DAB1: variants seen among roughly 807,000 people sequenced by gnomAD.
The protein encoded by DAB1 is disabled homolog 1.
DAB1 carries 15 observed loss-of-function variants against 64.6 expected under a neutral mutation model. The observed-to-expected ratio is 0.23, with a 90% CI of 0.16 to 0.36. The LOEUF is 0.36. Among genes scored for constraint, DAB1 ranks in the 10% least tolerant of loss-of-function variants. The pLI, the probability that DAB1 is intolerant of heterozygous loss-of-function variation, is 1.00. For synonymous variants in DAB1, 235 were observed against 251.9 expected (o/e 0.93, Z 0.64); for missense variants, 596 against 706.7 (o/e 0.84, Z 1.78).
intron 4 of DAB1, among the ~76,000 whole-genome samples, chr1:57,129,313 G>T (rs1342201276): frequency 2.0e-5 from 3 of 151,804 alleles, no homozygotes; most frequent in Non-Finnish European, 4.4e-5. Context: ...TGTTGATTTG[G>T]GCTACGAATT....
At chr1:57,348,130 G>A (rs946897686) in intron 1 of DAB1, among the ~76,000 whole-genome samples, 2 of 152,192 alleles carry the variant, frequency 1.3e-5, no homozygotes, top group African/African-American at 4.8e-5. Context: ...GCATGAGCCT[G>A]AAGGAGACAA....
chr1:58,015,279 C>T (rs534988503), intron 5 of DAB1, among the ~76,000 whole-genome samples: 2 of 152,288 alleles, frequency 1.3e-5, no homozygotes, highest in Admixed American at 6.5e-5. Flanking sequence ...TCATGGTTTA[C>T]ATCTCCTGAA....
intron 6 of DAB1, among the ~76,000 whole-genome samples, chr1:57,675,083 A>G (rs902470545): frequency 1.3e-5 from 2 of 152,218 alleles, no homozygotes; most frequent in Non-Finnish European, 2.9e-5. Context: ...TACAATTTCT[A>G]TGAAGCAGGA....
intron 2 of DAB1, among the ~76,000 whole-genome samples, chr1:57,177,275 A>G (rs187961743): frequency 2.0e-5 from 3 of 152,252 alleles, no homozygotes; most frequent in East Asian, 1.9e-4. Context: ...TGTTATATAC[A>G]TACACCCAAG....
chr1:57,299,993 T>A (rs1242219162), intron 1 of DAB1, among the ~76,000 whole-genome samples: 1 of 152,178 alleles, frequency 6.6e-6, no homozygotes, highest in Non-Finnish European at 1.5e-5. Flanking sequence ...CTCCTCATCC[T>A]CTTTTTCTCT....
At chr1:57,218,515 T>TAAAAAAAAAAAAAAAAAAA (rs776398255) in intron 2 of DAB1, among the ~76,000 whole-genome samples, 1 of 71,452 alleles carries the variant, frequency 1.4e-5, no homozygotes. Context: ...CCCCCATCTC[T>TAAAAAAAAAAAAAAAAAAA]AAAAAAAAAA....
In DAB1 at chr1:57,539,568, AG is replaced by A. The variant is rs775245491; in HGVS notation, n.625+110023del. Among the ~76,000 whole-genome samples, 94 of 152,352 alleles carry A rather than the reference AG, an allele frequency of 6.2e-4. 1 individual carries two copies. The highest frequency in any genetic ancestry group is 3.4e-3 in the Middle Eastern group (1 of 294). On this transcript the variant is annotated intron_variant and non_coding_transcript_variant, in intron 7 of 20. Transcript: ENST00000485760. ...TTCTATAAATTCTCTGAGAATCCAG[AG>A]GACAGAATGCTGAGCTGAATAATTC...
At chr1:57,903,103 T>G (rs527328362) in intron 5 of DAB1, among the ~76,000 whole-genome samples, 2 of 152,122 alleles carry the variant, frequency 1.3e-5, no homozygotes, top group African/African-American at 4.8e-5. Flanking sequence ...TTCACTATCA[T>G]GAGAACAGCA....
intron 4 of DAB1, among the ~76,000 whole-genome samples, chr1:58,283,767 C>T (rs1417781417): frequency 6.6e-6 from 1 of 152,110 alleles, no homozygotes; most frequent in Non-Finnish European, 1.5e-5. Flanking sequence ...TTATTTTTTC[C>T]TCCCACAAGC....
At chr1:57,968,331 C>T (rs12038631) in intron 5 of DAB1, among the ~76,000 whole-genome samples, 4,412 of 152,118 alleles carry the variant, frequency 0.029, 91 homozygotes, top group East Asian at 0.082. Flanking sequence ...AGCTGTGAAC[C>T]GCAGGGCTAA....
Position 57,198,640 on chromosome 1 carries a change from T to TTCTCTCTCTCTCTCTC in DAB1, c.68-53212_68-53211insGAGAGAGAGAGAGAGA, listed in dbSNP as rs139550960. On this transcript the variant is annotated intron_variant, in intron 2 of 14. Coordinates refer to ENST00000371236, the MANE Select transcript of DAB1 (RefSeq NM_001365792.1). ...CTCTTCCTCCCTCCCTCCCTGCATC[T>TTCTCTCTCTCTCTCTC]TCTCTCTCTCACACACACACACACA... Among the ~76,000 whole-genome samples, 6 of 131,132 alleles carry TTCTCTCTCTCTCTCTC rather than the reference T, an allele frequency of 4.6e-5. 1 individual carries two copies. The South Asian group carries it at 1.1e-3, about 24-fold the overall frequency. 86.0% of individuals were successfully genotyped at this position (131,132 alleles called of 152,430 possible).
chr1:58,541,293 C>CAAAAAAAAAA (rs71043292), intron 1 of DAB1, among the ~76,000 whole-genome samples: 1 of 27,572 alleles, frequency 3.6e-5, no homozygotes, highest in African/African-American at 1.1e-4. Flanking sequence ...GACTCTGTCT[C>CAAAAAAAAAA]AAAAAAAAAA....
At chr1:57,825,744 T>C (rs943413898), downstream of DAB1, among the ~76,000 whole-genome samples, 2 of 152,220 alleles carry the variant, frequency 1.3e-5, no homozygotes, top group African/African-American at 4.8e-5. Context: ...ATTAGGCATT[T>C]TGCTCCTGGG....
chr1:57,582,912 C>T (rs970161348), intron 7 of DAB1, among the ~76,000 whole-genome samples: 1 of 152,208 alleles, frequency 6.6e-6, no homozygotes, highest in African/African-American at 2.4e-5. Flanking sequence ...CAGTTTTGGT[C>T]ATTGAGACAA....
intron 3 of DAB1, among the ~76,000 whole-genome samples, chr1:58,494,290 T>C (rs950293834): frequency 1.2e-4 from 18 of 152,138 alleles, no homozygotes; most frequent in East Asian, 5.8e-4. Context: ...AAGACTTAAA[T>C]GTTAGACCTA....
chr1:57,561,981 G>T (rs1249324850), intron 7 of DAB1, among the ~76,000 whole-genome samples: 2 of 152,212 alleles, frequency 1.3e-5, no homozygotes, highest in Non-Finnish European at 2.9e-5. Flanking sequence ...CAATGCTTCT[G>T]CCAAAACTAC....
chr1:57,157,953 G>A (rs969668515), intron 2 of DAB1, among the ~76,000 whole-genome samples: 6 of 152,206 alleles, frequency 3.9e-5, no homozygotes, highest in Non-Finnish European at 8.8e-5. Flanking sequence ...AGTCATTGGT[G>A]CGAGGCCACG....
chr1:57,756,974 T>C (rs576610147), intron 6 of DAB1, among the ~76,000 whole-genome samples: 11 of 152,170 alleles, frequency 7.2e-5, no homozygotes, highest in Non-Finnish European at 1.6e-4. Flanking sequence ...AGAAGCCTGT[T>C]GCAATAGCAC....
chr1:57,809,472 G>A lies in DAB1; in HGVS notation n.551+74527C>T, dbSNP rs12566771. On this transcript the variant is annotated intron_variant and non_coding_transcript_variant, in intron 6 of 20. Coordinates refer to the DAB1 transcript ENST00000485760. ...TACATTAAAACATAGCTATTTAAGT[G>A]GCTGGGATTTAAACTAAGATCTTTC... Among the ~76,000 whole-genome samples the A allele has an allele frequency of 4.6e-3, 694 of 152,244 alleles. 21 individuals carry two copies. In the East Asian group the frequency reaches 0.053, roughly 12 times the overall value.
Sources: gnomAD v4.1 joint callset for allele counts (sites outside exome capture counted in the v4.1 genomes callset) on GRCh38, gnomAD v4.1.1 for gene constraint, MANE v1.5 for transcripts, NCBI Gene and HGNC (gene_info 2026-07-23, HGNC 2026-07-21) for gene names.